ARL6IP6: variants seen among roughly 807,000 people sequenced by gnomAD.
ARL6IP6 encodes the protein ADP-ribosylation factor-like protein 6-interacting protein 6.
ARL6IP6 carries 22 observed loss-of-function variants against 21.5 expected under a neutral mutation model. The ratio of observed to expected loss-of-function variants is 1.02; its 90% CI spans 0.73 to 1.46. The LOEUF is 1.46. Among genes scored for constraint, ARL6IP6 ranks in the 40% most tolerant of loss-of-function variants. The pLI, the probability that ARL6IP6 is intolerant of heterozygous loss-of-function variation, is 0.00. For missense variants in ARL6IP6, 388 were observed against 299.8 expected (o/e 1.29, Z -2.17); for synonymous variants, 164 against 125.3 (o/e 1.31, Z -2.06).
At chr2:152,725,917 A>C (rs1380719022) in intron 2 of ARL6IP6, among the ~76,000 whole-genome samples, 2 of 152,154 alleles carry the variant, frequency 1.3e-5, no homozygotes, top group African/African-American at 4.8e-5. Context: ...TTATTCTTCA[A>C]GTGTCATGAA....
intron 2 of ARL6IP6, among the ~76,000 whole-genome samples, chr2:152,724,011 A>T (rs1699914808): frequency 1.3e-5 from 2 of 151,990 alleles, no homozygotes; most frequent in South Asian, 4.2e-4. Flanking sequence ...GGTAGCTCTA[A>T]TATTTCATCT....
chr2:152,718,101 G>A, upstream of ARL6IP6: 1 of 988,238 alleles, frequency 1.0e-6, no homozygotes, highest in Non-Finnish European at 1.2e-6. Flanking sequence ...GAGCAGTTAA[G>A]GAACCGCGAG....
intron 3 of ARL6IP6, among the ~76,000 whole-genome samples, chr2:152,748,589 C>T (rs1399469617): frequency 7.9e-5 from 12 of 152,230 alleles, no homozygotes. Flanking sequence ...CTCATCCCTT[C>T]TCCCTCTGAG....
chr2:152,718,148 TGGA>T, upstream of ARL6IP6: 1 of 791,894 alleles, frequency 1.3e-6, no homozygotes, highest in Non-Finnish European at 1.5e-6. Context: ...TGGGGGAACC[TGGA>T]GAAGAGTGTG....
chr2:152,736,394 T>A (rs1700553550), intron 3 of ARL6IP6, among the ~76,000 whole-genome samples: 2 of 152,202 alleles, frequency 1.3e-5, no homozygotes, highest in Admixed American at 1.3e-4. Context: ...CTACCCAGAT[T>A]TCAGAAAGCA....
intron 3 of ARL6IP6, among the ~76,000 whole-genome samples, chr2:152,744,605 G>C (rs1044408303): frequency 6.6e-6 from 1 of 152,056 alleles, no homozygotes; most frequent in African/African-American, 2.4e-5. Context: ...ATTAGATTGG[G>C]AATTTGCATT....
chr2:152,736,493 T>A (rs138130573), intron 3 of ARL6IP6, among the ~76,000 whole-genome samples: 73 of 152,316 alleles, frequency 4.8e-4, no homozygotes, highest in Non-Finnish European at 9.3e-4. Flanking sequence ...AAATTCTTAT[T>A]CATTGTATTT....
At chr2:152,719,144 C>A in intron 1 of ARL6IP6, 120 bp downstream of exon 1, 1 of 1,172,034 alleles carries the variant, frequency 8.5e-7, no homozygotes, top group Non-Finnish European at 1.1e-6. Context: ...CTGCTTTCAC[C>A]CAGAGTCCTC....
At chr2:152,734,602 C>T (rs972741369) in intron 2 of ARL6IP6, among the ~76,000 whole-genome samples, 8 of 152,138 alleles carry the variant, frequency 5.3e-5, no homozygotes, top group Non-Finnish European at 1.2e-4. Flanking sequence ...ACCATCCTCC[C>T]ACCTCAGTCT....
At chr2:152,739,945 A>G (rs905072856) in intron 3 of ARL6IP6, among the ~76,000 whole-genome samples, 2 of 152,126 alleles carry the variant, frequency 1.3e-5, no homozygotes, top group African/African-American at 4.8e-5. Flanking sequence ...CTCACACACT[A>G]TTAGTGGAAC....
rs201670213 is a variant in ARL6IP6, at chr2:152,735,119, A to G, written c.580A>G (p.Arg194Gly). The change falls in exon 3 of 4, where the codon AGG (arginine) becomes GGG (glycine). Residue 194 changes from arginine (R) to glycine (G), a missense_variant. Transcript: ENST00000326446. ...TCCTCCTACTCCTCTTTCACCTGCC[A>G]GGTTCAAGTAAGTATTCCTGTTTCC... The part of the protein sequence containing the change: ...MFPPTPLSPA[R>G]FKKLTGHSFH... 2.2e-4 allele frequency: 359 copies of G among 1,613,512 alleles called. No individual in the cohort carries two copies. Among genetic ancestry groups the G allele is most frequent in the Non-Finnish European group, 2.7e-4 (323 of 1,179,714 alleles).
chr2:152,758,509 G>A (rs958914127), intron 3 of ARL6IP6, among the ~76,000 whole-genome samples: 13 of 152,120 alleles, frequency 8.5e-5, no homozygotes, highest in Admixed American at 6.6e-4. Flanking sequence ...AAGGGACAAA[G>A]CATTATACCT....
chr2:152,720,386 A>G (rs1699726554), intron 1 of ARL6IP6, 147 bp from the exon 2 acceptor site: 2 of 734,504 alleles, frequency 2.7e-6, no homozygotes, highest in East Asian at 5.3e-5. Context: ...TGAAGGTCAC[A>G]TAGCTGGTAA....
At position 152,720,529 on chromosome 2, in the gene ARL6IP6, G is replaced by A. The variant is rs1699738003; in HGVS notation, c.401-4G>A. On this transcript the variant is annotated splice_region_variant and splice_polypyrimidine_tract_variant and intron_variant, in intron 1 of 3. Transcript: ENST00000326446. ...CCTACCTAAGTCCCTCTTTGTATTT[G>A]CAGAGTTGCATGCTGAGAATTTGAA... The A allele has an allele frequency of 6.2e-7, 1 of 1,613,230 alleles. No individual in the cohort carries two copies. Among genetic ancestry groups the A allele is most frequent in the African/African-American group, 1.3e-5 (1 of 74,878 alleles).
intron 3 of ARL6IP6, among the ~76,000 whole-genome samples, chr2:152,740,836 C>T (rs1437783220): frequency 6.6e-6 from 1 of 151,792 alleles, no homozygotes; most frequent in Non-Finnish European, 1.5e-5. Flanking sequence ...GAAATATTTA[C>T]ACACACACAC....
At chr2:152,757,307 A>T (rs557662660) in intron 3 of ARL6IP6, among the ~76,000 whole-genome samples, 1 of 152,178 alleles carries the variant, frequency 6.6e-6, no homozygotes, top group Non-Finnish European at 1.5e-5. Context: ...GTTGGTGAGT[A>T]TATGAGAGTC....
upstream of ARL6IP6, chr2:152,718,055 CG>C (rs1176824924): frequency 2.0e-6 from 2 of 993,650 alleles, no homozygotes; most frequent in Non-Finnish European, 2.4e-6. Flanking sequence ...AGTTGTAGTA[CG>C]GGTGGGGAGA....
intron 2 of ARL6IP6, among the ~76,000 whole-genome samples, chr2:152,721,757 T>C (rs1293940818): frequency 6.6e-6 from 1 of 152,254 alleles, no homozygotes; most frequent in African/African-American, 2.4e-5. Flanking sequence ...ATCACCCTTA[T>C]GGTGACACTA....
intron 3 of ARL6IP6, among the ~76,000 whole-genome samples, chr2:152,740,548 A>G (rs1026329076): frequency 6.6e-6 from 1 of 151,838 alleles, no homozygotes; most frequent in African/African-American, 2.4e-5. Flanking sequence ...AAATATACAC[A>G]TTCATTTCTA....
Sources: allele counts gnomAD v4.1 joint callset (sites outside exome capture counted in the v4.1 genomes callset), GRCh38; gene constraint gnomAD v4.1.1; transcripts MANE v1.5; gene names NCBI Gene and HGNC (gene_info 2026-07-23, HGNC 2026-07-21).